The following ARHGAP42 variants were observed in gnomAD, a reference collection of about 807,000 sequenced individuals.
ARHGAP42 encodes the protein rho GTPase-activating protein 42.
A neutral mutation model predicts 125.0 loss-of-function variants in ARHGAP42; 63 were observed. The observed-to-expected ratio is 0.50, with a 90% confidence interval of 0.41 to 0.62. The LOEUF (loss-of-function observed/expected upper bound fraction) is 0.62, where lower values mean the gene tolerates loss of function less well. ARHGAP42 is among the 20% of genes least tolerant of loss of function. ARHGAP42 has a pLI of 0.00. For synonymous variants in ARHGAP42, 339 were observed against 351.0 expected (o/e 0.97, Z 0.38); for missense variants, 766 against 1,024.2 (o/e 0.75, Z 3.44).
At chr11:100,907,349 G>C (rs1866765848) in intron 4 of ARHGAP42, among the ~76,000 whole-genome samples, 1 of 152,180 alleles carries the variant, frequency 6.6e-6, no homozygotes, top group Non-Finnish European at 1.5e-5. Context: ...GTTTGTAGGA[G>C]TTCCTTGTAA....
chr11:100,762,858 G>A (rs1347554620), intron 1 of ARHGAP42, among the ~76,000 whole-genome samples: 3 of 151,470 alleles, frequency 2.0e-5, no homozygotes, highest in South Asian at 2.1e-4. Flanking sequence ...ATTCTGCTAC[G>A]TACATTACTC....
At chr11:100,846,866 A>T (rs562429626) in intron 3 of ARHGAP42, among the ~76,000 whole-genome samples, 22 of 152,236 alleles carry the variant, frequency 1.4e-4, no homozygotes, top group African/African-American at 5.3e-4. Context: ...GAACAGAGAG[A>T]AGGATTGAAG....
At chr11:100,936,768 C>T (rs886999271) in intron 8 of ARHGAP42, among the ~76,000 whole-genome samples, 3 of 152,068 alleles carry the variant, frequency 2.0e-5, no homozygotes, top group African/African-American at 7.2e-5. Flanking sequence ...GTCAAATTGG[C>T]GCTCTTTACT....
chr11:100,929,377 T>C (rs1032293961), intron 6 of ARHGAP42, among the ~76,000 whole-genome samples: 1 of 152,198 alleles, frequency 6.6e-6, no homozygotes, highest in African/African-American at 2.4e-5. Context: ...AGCCCAGGGA[T>C]TGGGGACCCC....
At chr11:100,805,691 G>A (rs969078968) in intron 3 of ARHGAP42, among the ~76,000 whole-genome samples, 2 of 152,180 alleles carry the variant, frequency 1.3e-5, no homozygotes, top group African/African-American at 4.8e-5. Flanking sequence ...TTCTGGGAAA[G>A]GGGTGGACAG....
At chr11:100,747,950 A>G (rs958765900) in intron 1 of ARHGAP42, among the ~76,000 whole-genome samples, 14 of 152,096 alleles carry the variant, frequency 9.2e-5, no homozygotes, top group African/African-American at 3.4e-4. Flanking sequence ...TTTACCATAT[A>G]ACATTCCTTT....
chr11:100,954,269 A>G (rs1857743805), intron 12 of ARHGAP42, among the ~76,000 whole-genome samples: 1 of 151,698 alleles, frequency 6.6e-6, no homozygotes, highest in East Asian at 1.9e-4. Flanking sequence ...AGTCAGTTCA[A>G]AAATATTCCA....
intron 3 of ARHGAP42, among the ~76,000 whole-genome samples, chr11:100,798,948 C>G (rs1464982860): frequency 6.6e-6 from 1 of 152,138 alleles, no homozygotes; most frequent in Non-Finnish European, 1.5e-5. Context: ...TAGGTCGTGG[C>G]AGTTGTAGAA....
intron 1 of ARHGAP42, among the ~76,000 whole-genome samples, chr11:100,704,612 G>T (rs114291731): frequency 0.012 from 1,790 of 151,964 alleles, 35 homozygotes; most frequent in African/African-American, 0.041. Flanking sequence ...GGTAAGAGGG[G>T]ATGAGAGGAT....
intron 1 of ARHGAP42, among the ~76,000 whole-genome samples, chr11:100,721,391 C>G (rs964935112): frequency 6.6e-6 from 1 of 152,108 alleles, no homozygotes; most frequent in African/African-American, 2.4e-5. Flanking sequence ...CCCTTTCATA[C>G]TGACTTCTTT....
chr11:100,813,372 A>G (rs1291862694), intron 3 of ARHGAP42, among the ~76,000 whole-genome samples: 2 of 152,158 alleles, frequency 1.3e-5, no homozygotes, highest in African/African-American at 4.8e-5. Flanking sequence ...CTACTCATTT[A>G]AGGTTTTAAG....
In ARHGAP42 at chr11:100,948,391, T is replaced by C. The variant is rs1868079704; in HGVS notation, c.1044-66T>C. The stretch of plus-strand genomic sequence containing the variant: ...ACTTTTTTTCTTCAAATTTTATCTT[T>C]TTAGTTAACTGAGAATTTAAAAAGT... On this transcript the variant is annotated intron_variant, in intron 10 of 23. Coordinates refer to ENST00000298815, the MANE Select transcript of ARHGAP42 (RefSeq NM_152432.4). 2.6e-6 allele frequency: 3 copies of C among 1,155,956 alleles called. No individual in the cohort carries two copies. In the African/African-American group the frequency reaches 4.7e-5, roughly 18 times the overall value. 71.6% of individuals were successfully genotyped at this position (1,155,956 alleles called of 1,614,324 possible).
rs139506492 is a variant in ARHGAP42, at chr11:100,903,709, AATATATATATATATATATATATATATAT to A, written c.385-9724_385-9697del. 1.9e-4 allele frequency among the ~76,000 whole-genome samples: 12 copies of A among 63,514 alleles called. No homozygotes were observed. The South Asian group carries it at 4.6e-3, about 24-fold the overall frequency. 41.7% of individuals were successfully genotyped at this position (63,514 alleles called of 152,430 possible). On this transcript the variant is annotated intron_variant, in intron 4 of 23. Transcript: ENST00000298815. ...ATGTATATATATACATGTCCCTCAA[AATATATATATATATATATATATATATAT>A]ATATATATATATATATATGTATGTA... is the stretch of plus-strand genomic sequence containing the variant.
chr11:100,950,075 C>A, intron 12 of ARHGAP42, 119 bp downstream of exon 12: 1 of 454,522 alleles, frequency 2.2e-6, no homozygotes, highest in Non-Finnish European at 3.6e-6. Context: ...CATGGTACAG[C>A]AACTTTGAAA....
chr11:100,868,879 G>A (rs1168998256), intron 4 of ARHGAP42, among the ~76,000 whole-genome samples: 3 of 152,008 alleles, frequency 2.0e-5, no homozygotes, highest in African/African-American at 7.2e-5. Context: ...CACATAATTT[G>A]TTTAGCATAG....
intron 18 of ARHGAP42, 109 bp downstream of exon 18, chr11:100,973,443 G>A: frequency 1.8e-6 from 2 of 1,096,462 alleles, no homozygotes; most frequent in Non-Finnish European, 2.6e-6. Context: ...ACTTCTTAAT[G>A]GGGACTTCAG....
intron 4 of ARHGAP42, among the ~76,000 whole-genome samples, chr11:100,875,438 C>G (rs1165204243): frequency 1.3e-5 from 2 of 152,134 alleles, no homozygotes; most frequent in African/African-American, 4.8e-5. Context: ...TCGGAGCCAT[C>G]CCTGCCACTC....
chr11:100,867,877 C>G (rs1004164091), intron 4 of ARHGAP42, among the ~76,000 whole-genome samples: 4 of 152,094 alleles, frequency 2.6e-5, no homozygotes, highest in Non-Finnish European at 5.9e-5. Flanking sequence ...TGTACGGTTA[C>G]TAATTGGCCT....
chr11:100,826,080 C>G (rs1338715426), intron 3 of ARHGAP42, among the ~76,000 whole-genome samples: 2 of 151,960 alleles, frequency 1.3e-5, no homozygotes, highest in African/African-American at 4.8e-5. Flanking sequence ...TTTTCTCTCT[C>G]TCTCTCTTTC....
Sources: gnomAD v4.1 joint callset for allele counts (sites outside exome capture counted in the v4.1 genomes callset) on GRCh38, gnomAD v4.1.1 for gene constraint, MANE v1.5 for transcripts, NCBI Gene and HGNC (gene_info 2026-07-23, HGNC 2026-07-21) for gene names.